MCTP1: variants seen among roughly 807,000 people sequenced by gnomAD.
MCTP1 encodes multiple C2 and transmembrane domain containing 1.
Under a neutral mutation model 120.6 loss-of-function variants are expected in MCTP1, and 69 were observed. The ratio of observed to expected loss-of-function variants is 0.57; its 90% CI spans 0.47 to 0.70. The LOEUF (loss-of-function observed/expected upper bound fraction) is 0.70, where lower values mean the gene tolerates loss of function less well. Ranked by LOEUF, MCTP1 falls within the 30% of genes least tolerant of loss-of-function variation. MCTP1 has a pLI of 0.00. For synonymous variants in MCTP1, 529 were observed against 493.1 expected (o/e 1.07, Z -0.96); for missense variants, 1,203 against 1,248.8 (o/e 0.96, Z 0.55).
chr5:94,828,186 T>C (rs1347193443), intron 17 of MCTP1, among the ~76,000 whole-genome samples: 2 of 152,240 alleles, frequency 1.3e-5, no homozygotes, highest in African/African-American at 4.8e-5. Flanking sequence ...TTGCTTTCTA[T>C]TTGTTAGTTT....
At chr5:95,210,859 G>A (rs1215350904) in intron 1 of MCTP1, among the ~76,000 whole-genome samples, 3 of 151,940 alleles carry the variant, frequency 2.0e-5, no homozygotes, top group Non-Finnish European at 4.4e-5. Flanking sequence ...AGCTCTTTTA[G>A]GGCAGGCCTA....
chr5:94,864,897 A>G (rs1163842887), intron 17 of MCTP1, among the ~76,000 whole-genome samples: 1 of 152,006 alleles, frequency 6.6e-6, no homozygotes, highest in African/African-American at 2.4e-5. Context: ...ACTGACATCC[A>G]CAAGAACACA....
At chr5:94,859,713 T>C (rs1031064212) in intron 17 of MCTP1, among the ~76,000 whole-genome samples, 1 of 151,772 alleles carries the variant, frequency 6.6e-6, no homozygotes, top group Non-Finnish European at 1.5e-5. Flanking sequence ...CTTCTACATT[T>C]ATGAATTACT....
rs10655109 is a variant in MCTP1 at position 95,270,931 on chromosome 5, C to CAAAAAA, written c.720+12919_720+12924dup. On this transcript the variant is annotated intron_variant, in intron 1 of 22. Transcript: ENST00000515393. ...GGCGACAGAGCAAGACTCTCTCTCTCAAAAAAAAAATGCACATTGTGATTT... is the reference window on the plus strand; with the variant it reads ...GGCGACAGAGCAAGACTCTCTCTCTCAAAAAAAAAAAAAAAATGCACATTGTGATTT... Among the ~76,000 whole-genome samples the CAAAAAA allele has an allele frequency of 4.9e-4, 71 of 145,606 alleles. No homozygotes were observed. In the South Asian group the frequency reaches 5.5e-3, roughly 11 times the overall value.
chr5:94,829,657 A>G (rs545912082), intron 17 of MCTP1, among the ~76,000 whole-genome samples: 109 of 152,260 alleles, frequency 7.2e-4, no homozygotes, highest in African/African-American at 2.6e-3. Context: ...AAAATAAAAG[A>G]TGGGAAAAAG....
At chr5:95,004,844 T>C (rs1834385106) in intron 2 of MCTP1, among the ~76,000 whole-genome samples, 1 of 152,022 alleles carries the variant, frequency 6.6e-6, no homozygotes, top group Non-Finnish European at 1.5e-5. Flanking sequence ...AGAGAGAAAA[T>C]ATGAGGTTGG....
intron 1 of MCTP1, among the ~76,000 whole-genome samples, chr5:95,133,194 C>T (rs1343784039): frequency 6.6e-6 from 1 of 152,194 alleles, no homozygotes; most frequent in Non-Finnish European, 1.5e-5. Flanking sequence ...TAAAACCATA[C>T]AGTAGCTTCC....
chr5:94,848,048 G>A (rs186349384), intron 17 of MCTP1, among the ~76,000 whole-genome samples: 381 of 152,046 alleles, frequency 2.5e-3, no homozygotes, highest in Admixed American at 4.9e-3. Context: ...AGGTGGAGAG[G>A]AGGGCTGACA....
chr5:94,733,292 A>C (rs1763479807), intron 19 of MCTP1, among the ~76,000 whole-genome samples: 1 of 152,232 alleles, frequency 6.6e-6, no homozygotes, highest in Non-Finnish European at 1.5e-5. Flanking sequence ...GAAGGTGGAC[A>C]TCAAAAGGTT....
At chr5:95,053,689 C>A (rs577869105) in intron 1 of MCTP1, among the ~76,000 whole-genome samples, 1 of 152,232 alleles carries the variant, frequency 6.6e-6, no homozygotes, top group South Asian at 2.1e-4. Flanking sequence ...CTTTCCTGAC[C>A]TACCAGGTAC....
chr5:95,045,784 A>G (rs1348660123), intron 1 of MCTP1, among the ~76,000 whole-genome samples: 3 of 152,204 alleles, frequency 2.0e-5, no homozygotes, highest in Admixed American at 6.5e-5. Context: ...AAAGTTCTCA[A>G]AATAACCTCA....
intron 1 of MCTP1, among the ~76,000 whole-genome samples, chr5:95,040,100 G>A (rs924552984): frequency 6.6e-6 from 1 of 152,122 alleles, no homozygotes; most frequent in Admixed American, 6.5e-5. Flanking sequence ...ATCTTGGCAT[G>A]TGAGGTCCCC....
chr5:95,082,484 A>G (rs1332574867), intron 1 of MCTP1, among the ~76,000 whole-genome samples: 1 of 152,222 alleles, frequency 6.6e-6, no homozygotes, highest in Admixed American at 6.5e-5. Flanking sequence ...AAGGAAAAAA[A>G]GCTGAAAAAG....
At chr5:94,778,819 G>A (rs1480727935) in intron 19 of MCTP1, among the ~76,000 whole-genome samples, 1 of 152,080 alleles carries the variant, frequency 6.6e-6, no homozygotes, top group Non-Finnish European at 1.5e-5. Flanking sequence ...TTCAACAACA[G>A]TCATCACTGC....
intron 1 of MCTP1, among the ~76,000 whole-genome samples, chr5:95,076,794 GT>G (rs1184731285): frequency 1.3e-5 from 2 of 152,092 alleles, no homozygotes; most frequent in African/African-American, 2.4e-5. Flanking sequence ...ACGATAATTG[GT>G]TTTTTTCTTT....
intron 1 of MCTP1, among the ~76,000 whole-genome samples, chr5:95,074,939 C>T (rs1753182566): frequency 6.6e-6 from 1 of 152,200 alleles, no homozygotes; most frequent in Non-Finnish European, 1.5e-5. Context: ...TACATGACAG[C>T]AACCCCATGC....
At chr5:95,059,224 T>TATATATAC (rs776279585) in intron 1 of MCTP1, among the ~76,000 whole-genome samples, 1 of 151,650 alleles carries the variant, frequency 6.6e-6, no homozygotes, top group African/African-American at 2.4e-5. Context: ...TATATATATA[T>TATATATAC]ACACTATAAA....
At chr5:94,860,586 T>C (rs1039084700) in intron 17 of MCTP1, among the ~76,000 whole-genome samples, 4 of 151,788 alleles carry the variant, frequency 2.6e-5, no homozygotes, top group African/African-American at 9.7e-5. Flanking sequence ...CGTATGGGAA[T>C]AATTCATATC....
intron 17 of MCTP1, among the ~76,000 whole-genome samples, chr5:94,806,785 A>T (rs1346324063): frequency 6.6e-6 from 1 of 152,228 alleles, no homozygotes; most frequent in Non-Finnish European, 1.5e-5. Context: ...GCTGTGGATC[A>T]TTAGCTCTCC....
Sources: allele counts gnomAD v4.1 joint callset (sites outside exome capture counted in the v4.1 genomes callset), GRCh38; gene constraint gnomAD v4.1.1; transcripts MANE v1.5; gene names NCBI Gene and HGNC (gene_info 2026-07-23, HGNC 2026-07-21).